Variants in GUCY2C observed in about 807,000 individuals in gnomAD.
GUCY2C encodes the protein guanylyl cyclase C.
Under a neutral mutation model 131.1 loss-of-function variants are expected in GUCY2C, and 118 were observed. The ratio of observed to expected loss-of-function variants is 0.90; its 90% confidence interval spans 0.78 to 1.05. GUCY2C has a LOEUF of 1.05. Among genes scored for constraint, GUCY2C ranks in the 50% least tolerant of loss-of-function variants. The pLI, the probability that GUCY2C is intolerant of heterozygous loss-of-function variation, is 0.00. For synonymous variants in GUCY2C, 452 were observed against 457.8 expected, an observed-to-expected ratio of 0.99 and a Z score of 0.16; for missense variants, 1,161 against 1,304.4, an observed-to-expected ratio of 0.89 and a Z score of 1.69.
intron 17 of GUCY2C, among the ~76,000 whole-genome samples, chr12:14,642,878 G>A (rs993321255): frequency 4.6e-5 from 7 of 152,136 alleles, no homozygotes; most frequent in South Asian, 2.1e-4. Context: ...AAGGAAAAAC[G>A]AAAGGATTGC....
In GUCY2C at chr12:14,628,757, G is replaced by A. The variant is rs762050479; in HGVS notation, c.2158-20C>T. 1 of 1,186,692 alleles carries A rather than the reference G, an allele frequency of 8.4e-7. No homozygotes were observed. Among genetic ancestry groups the A allele is most frequent in the South Asian group, 1.2e-5 (1 of 82,018 alleles). The allele number at this position is 1,186,692 out of a possible 1,614,324, so 73.5% of individuals were successfully genotyped here. On this transcript the variant is annotated intron_variant, in intron 19 of 26. Coordinates refer to ENST00000261170, the MANE Select transcript of GUCY2C (RefSeq NM_004963.4). Reference sequence around the variant, plus strand: ...GTACACCTGGAAGAAAAAAAAACGGGCAAATTAGCTAAGGGGATAGTAAAC... The same window carrying A: ...GTACACCTGGAAGAAAAAAAAACGGACAAATTAGCTAAGGGGATAGTAAAC...
chr12:14,614,911 A>G lies in GUCY2C; in HGVS notation c.3003T>C (p.Thr1001=). The change falls in exon 26 of 27, where the codon ACT becomes ACC. Residue 1001 remains threonine (T), a synonymous_variant. Coordinates refer to ENST00000261170, the MANE Select transcript of GUCY2C (RefSeq NM_004963.4). ...GRGNETTYWL[T]GMKDQKFNLP... is the part of the protein sequence containing the mutation. ...GGTTGAATTTCTGGTCCTTCATCCC[A>G]GTCAGCCAGTAGGTAGTCTCATTTC... is the stretch of plus-strand genomic sequence containing the variant. 6.3e-7 allele frequency: 1 copy of G among 1,584,232 alleles called. No individual in the cohort carries two copies. The highest frequency in any genetic ancestry group is 8.6e-7 in the Non-Finnish European group (1 of 1,168,330).
At chr12:14,690,102 A>T (rs1333779120) in intron 1 of GUCY2C, among the ~76,000 whole-genome samples, 1 of 152,258 alleles carries the variant, frequency 6.6e-6, no homozygotes, top group Non-Finnish European at 1.5e-5. Flanking sequence ...GGATAAAGAA[A>T]ACAAAAATGT....
In GUCY2C at chr12:14,683,110, G is replaced by A. The variant is rs764576707; in HGVS notation, c.543C>T (p.Pro181=). The A allele has an allele frequency of 6.2e-7, 1 of 1,613,610 alleles. No individual in the cohort carries two copies. The highest frequency in any genetic ancestry group is 1.1e-5 in the South Asian group (1 of 91,064). ...AAGTGCTCCAGGAATAAGTTTTGAA[G>A]GGCAGATCGTTGGTTTTCCAAAAGT... ...LVNFWKTNDL[P]FKTYSWSTSY... Residue 181 remains proline (P), a synonymous_variant, in exon 4 of 27, where the codon CCC becomes CCT. Transcript: ENST00000261170.
chr12:14,673,111 C>G (rs1342496932), intron 8 of GUCY2C, among the ~76,000 whole-genome samples, 153 bp from the exon 9 acceptor site: 1 of 152,146 alleles, frequency 6.6e-6, no homozygotes, highest in Non-Finnish European at 1.5e-5. Context: ...CAGATGGCAC[C>G]TGGATTGGCT....
intron 20 of GUCY2C, among the ~76,000 whole-genome samples, chr12:14,626,694 A>C (rs1200764397): frequency 6.6e-6 from 1 of 152,228 alleles, no homozygotes; most frequent in African/African-American, 2.4e-5. Context: ...TGTATCATAA[A>C]ATACAAATTA....
chr12:14,649,624 C>G (rs569545162), intron 15 of GUCY2C, among the ~76,000 whole-genome samples: 8 of 151,936 alleles, frequency 5.3e-5, no homozygotes, highest in Admixed American at 5.2e-4. Flanking sequence ...TTATAATGTA[C>G]CAAATCAAAA....
At chr12:14,629,717 G>A (rs183863820) in intron 19 of GUCY2C, among the ~76,000 whole-genome samples, 354 of 152,252 alleles carry the variant, frequency 2.3e-3, no homozygotes, top group African/African-American at 8.2e-3. Flanking sequence ...AATAAAAGCC[G>A]TACTGTCCAT....
Position 14,645,210 on chromosome 12 carries a change from G to A in GUCY2C, c.1797+19C>T, listed in dbSNP as rs752837198. On this transcript the variant is annotated intron_variant, in intron 16 of 26. Coordinates refer to ENST00000261170, the MANE Select transcript of GUCY2C (RefSeq NM_004963.4). ...CTTATATTTAATTTTCATATTTTCT[G>A]TGTGTGTGTTTCTCTTACCTTAGCA... 8.2e-7 allele frequency: 1 copy of A among 1,224,454 alleles called. No individual in the cohort carries two copies. The highest frequency in any genetic ancestry group is 1.3e-5 in the South Asian group (1 of 77,668). 75.8% of individuals were successfully genotyped at this position (1,224,454 alleles called of 1,614,324 possible).
chr12:14,686,972 T>A (rs369756282), intron 2 of GUCY2C, among the ~76,000 whole-genome samples: 101 of 152,300 alleles, frequency 6.6e-4, no homozygotes, highest in African/African-American at 2.4e-3. Context: ...TAAGACAGCC[T>A]TTTCTTTAGT....
chr12:14,634,308 G>T (rs1376086001), intron 19 of GUCY2C, among the ~76,000 whole-genome samples: 1 of 152,166 alleles, frequency 6.6e-6, no homozygotes, highest in Non-Finnish European at 1.5e-5. Context: ...AAATGAAGAA[G>T]AAATAAAGGC....
chr12:14,670,368 C>G (rs1258775038), intron 9 of GUCY2C, among the ~76,000 whole-genome samples: 1 of 152,166 alleles, frequency 6.6e-6, no homozygotes. Flanking sequence ...TTCCTTGGCT[C>G]TAATATGCTT....
intron 10 of GUCY2C, among the ~76,000 whole-genome samples, chr12:14,665,215 C>T (rs540110025): frequency 2.0e-4 from 24 of 120,526 alleles, no homozygotes; most frequent in African/African-American, 8.0e-4. Context: ...GGCTCCGTCT[C>T]AGGAAAAAAA....
chr12:14,648,053 C>T (rs111330562), intron 15 of GUCY2C, among the ~76,000 whole-genome samples: 3,618 of 151,956 alleles, frequency 0.024, 87 homozygotes, highest in African/African-American at 0.061. Context: ...CTCCACCTCC[C>T]GGGTTCAAGC....
chr12:14,623,531 A>G (rs1946938723), intron 21 of GUCY2C, among the ~76,000 whole-genome samples: 1 of 152,224 alleles, frequency 6.6e-6, no homozygotes, highest in Non-Finnish European at 1.5e-5. Context: ...GGCTGCATAG[A>G]TGCAATGACA....
At chr12:14,619,362 G>C (rs543977425) in intron 23 of GUCY2C, 53 bp from the exon 24 acceptor site, 5 of 1,111,968 alleles carry the variant, frequency 4.5e-6, no homozygotes, top group Admixed American at 3.4e-5. Flanking sequence ...TTGCAGAGTA[G>C]AGTGAAGACA....
intron 19 of GUCY2C, among the ~76,000 whole-genome samples, chr12:14,633,869 A>C (rs1485957624): frequency 6.6e-6 from 1 of 152,104 alleles, no homozygotes; most frequent in African/African-American, 2.4e-5. Context: ...AAAAATAAAG[A>C]AAAAAGAACA....
At chr12:14,619,642 C>T (rs1283589891) in intron 23 of GUCY2C, 1 of 240,516 alleles carries the variant, frequency 4.2e-6, no homozygotes, top group Non-Finnish European at 8.1e-6. Flanking sequence ...TGCTTGCTTA[C>T]TGTGCCAAAC....
chr12:14,647,122 G>A (rs1947538001), intron 15 of GUCY2C, among the ~76,000 whole-genome samples: 1 of 152,096 alleles, frequency 6.6e-6, no homozygotes, highest in Non-Finnish European at 1.5e-5. Flanking sequence ...CCTATTATCT[G>A]AGCACCATTT....
Sources: allele counts gnomAD v4.1 joint callset (sites outside exome capture counted in the v4.1 genomes callset), GRCh38; gene constraint gnomAD v4.1.1; transcripts MANE v1.5; gene names NCBI Gene and HGNC (gene_info 2026-07-23, HGNC 2026-07-21).